CTNNA3: variants seen among roughly 807,000 people sequenced by gnomAD.
CTNNA3 encodes the protein catenin alpha 3.
A neutral mutation model predicts 95.7 loss-of-function variants in CTNNA3; 76 were observed. The observed-to-expected ratio is 0.79, with a 90% CI of 0.66 to 0.96. CTNNA3 has a LOEUF of 0.96. CTNNA3 is among the 40% of genes least tolerant of loss of function. The probability of loss-of-function intolerance (pLI) is 0.00; values close to 1 mark genes in which losing one functional copy is unlikely to be tolerated. For synonymous variants in CTNNA3, 431 were observed against 374.4 expected (o/e 1.15, Z -1.74); for missense variants, 1,191 against 1,089.8 (o/e 1.09, Z -1.31).
At chr10:66,897,248 A>G (rs1475062632) in intron 7 of CTNNA3, among the ~76,000 whole-genome samples, 1 of 152,018 alleles carries the variant, frequency 6.6e-6, no homozygotes, top group Non-Finnish European at 1.5e-5. Flanking sequence ...ATAGGAAAAT[A>G]TAAAGATGTG....
At chr10:67,655,037 CTTAT>C in intron 1 of CTNNA3, among the ~76,000 whole-genome samples, 1 of 152,266 alleles carries the variant, frequency 6.6e-6, no homozygotes, top group Non-Finnish European at 1.5e-5. Context: ...GGTAACTATT[CTTAT>C]TTATTATCGA....
At chr10:67,273,077 T>C (rs542991518) in intron 5 of CTNNA3, among the ~76,000 whole-genome samples, 4 of 152,198 alleles carry the variant, frequency 2.6e-5, no homozygotes, top group African/African-American at 9.6e-5. Context: ...TGTATCAGAG[T>C]TCTATCATTT....
At chr10:66,493,855 T>A (rs1412864188) in intron 11 of CTNNA3, among the ~76,000 whole-genome samples, 1 of 149,492 alleles carries the variant, frequency 6.7e-6, no homozygotes, top group Non-Finnish European at 1.5e-5. Flanking sequence ...TCCACCCGCC[T>A]CAGCCTCCCA....
intron 7 of CTNNA3, among the ~76,000 whole-genome samples, chr10:67,104,818 G>A (rs941275936): frequency 5.3e-5 from 8 of 151,952 alleles, no homozygotes; most frequent in South Asian, 2.1e-4. Context: ...AAATGATCAC[G>A]TCTATAACTG....
intron 5 of CTNNA3, among the ~76,000 whole-genome samples, chr10:67,380,002 C>A (rs975066632): frequency 9.2e-6 from 1 of 108,772 alleles, no homozygotes; most frequent in African/African-American, 3.6e-5. Flanking sequence ...GCCTGGGCGA[C>A]AGAGTGAGAC....
intron 10 of CTNNA3, among the ~76,000 whole-genome samples, chr10:66,539,110 T>TG (rs1229163536): frequency 6.6e-6 from 1 of 152,172 alleles, no homozygotes; most frequent in African/African-American, 2.4e-5. Flanking sequence ...TGCTGACTAA[T>TG]ACGACATTGG....
chr10:67,407,786 G>A (rs1286704640), intron 5 of CTNNA3, among the ~76,000 whole-genome samples: 1 of 152,156 alleles, frequency 6.6e-6, no homozygotes, highest in East Asian at 1.9e-4. Flanking sequence ...GGCAAGTAGA[G>A]AGCCAAATCA....
At chr10:66,967,199 G>A (rs1481975013) in intron 7 of CTNNA3, among the ~76,000 whole-genome samples, 2 of 151,802 alleles carry the variant, frequency 1.3e-5, no homozygotes, top group East Asian at 1.9e-4. Context: ...GCACATACAC[G>A]CATACATTAG....
intron 7 of CTNNA3, among the ~76,000 whole-genome samples, chr10:66,969,017 A>AAAAT (rs896918415): frequency 2.0e-5 from 3 of 152,050 alleles, no homozygotes; most frequent in African/African-American, 4.8e-5. Context: ...ACTCCATCTC[A>AAAAT]AAATAAATAA....
intron 13 of CTNNA3, among the ~76,000 whole-genome samples, chr10:66,188,577 T>TG (rs148261423): frequency 0.081 from 7,555 of 93,330 alleles, 293 homozygotes; most frequent in African/African-American, 0.11. Context: ...TGTGTGTGTG[T>TG]GGGGGGAGGG....
At chr10:67,176,880 G>GCAAA (rs938231144) in intron 7 of CTNNA3, 1 of 477,040 alleles carries the variant, frequency 2.1e-6, no homozygotes, top group African/African-American at 2.0e-5. Context: ...ACTGGAAAAG[G>GCAAA]CAAAAATAAT....
chr10:66,941,472 G>A (rs1847990125), intron 7 of CTNNA3, among the ~76,000 whole-genome samples: 1 of 152,124 alleles, frequency 6.6e-6, no homozygotes, highest in African/African-American at 2.4e-5. Context: ...CTTAAGGTTA[G>A]AGTCCACTTT....
At chr10:66,628,888 G>A (rs545103746) in intron 9 of CTNNA3, among the ~76,000 whole-genome samples, 1 of 151,834 alleles carries the variant, frequency 6.6e-6, no homozygotes, top group African/African-American at 2.4e-5. Flanking sequence ...GTTAAGAGGG[G>A]GTCTACAGTA....
intron 11 of CTNNA3, among the ~76,000 whole-genome samples, chr10:66,442,532 G>T (rs2093382533): frequency 6.6e-6 from 1 of 152,088 alleles, no homozygotes; most frequent in African/African-American, 2.4e-5. Flanking sequence ...ACATAAAACA[G>T]ATTCACTTAT....
intron 3 of CTNNA3, among the ~76,000 whole-genome samples, chr10:67,606,554 C>G (rs1409318532): frequency 6.6e-6 from 1 of 152,100 alleles, no homozygotes. Context: ...AGTCATTTCT[C>G]ACTATATTCT....
chr10:67,302,203 A>G (rs556455281), intron 5 of CTNNA3, among the ~76,000 whole-genome samples: 1 of 152,278 alleles, frequency 6.6e-6, no homozygotes, highest in African/African-American at 2.4e-5. Context: ...TTATATGTGG[A>G]ATCTAAAAAA....
At chr10:67,739,695 A>G (rs1841323900) in intron 1 of CTNNA3, among the ~76,000 whole-genome samples, 2 of 152,120 alleles carry the variant, frequency 1.3e-5, no homozygotes, top group African/African-American at 2.4e-5. Flanking sequence ...ATGGTCATGG[A>G]TAGGAAGAAT....
At chr10:67,737,268 T>G (rs565221612) in intron 1 of CTNNA3, among the ~76,000 whole-genome samples, 5 of 151,974 alleles carry the variant, frequency 3.3e-5, no homozygotes, top group Non-Finnish European at 5.9e-5. Context: ...ATGAATAAAT[T>G]AAGAAAGAAA....
chr10:66,210,330 A>C (rs141373592), intron 13 of CTNNA3, among the ~76,000 whole-genome samples: 42 of 151,194 alleles, frequency 2.8e-4, no homozygotes, highest in African/African-American at 1.0e-3. Context: ...CGAGATAACA[A>C]AAGCATCTGA....
Sources: gnomAD v4.1 joint callset for allele counts (sites outside exome capture counted in the v4.1 genomes callset) on GRCh38, gnomAD v4.1.1 for gene constraint, MANE v1.5 for transcripts, NCBI Gene and HGNC (gene_info 2026-07-23, HGNC 2026-07-21) for gene names.